Variants in NRXN1 observed in about 807,000 individuals in gnomAD.
NRXN1 encodes the protein neurexin-1.
Under a neutral mutation model 150.9 loss-of-function variants are expected in NRXN1, and 39 were observed. The observed-to-expected ratio is 0.26, with a 90% CI of 0.20 to 0.34. The LOEUF is 0.34. Ranked by LOEUF, NRXN1 falls within the 10% of genes least tolerant of loss-of-function variation. The pLI is 1.00. For synonymous variants in NRXN1, 924 were observed against 757.0 expected, an observed-to-expected ratio of 1.22 and a Z score of -3.62; for missense variants, 1,815 against 1,949.9, an observed-to-expected ratio of 0.93 and a Z score of 1.30.
intron 5 of NRXN1, among the ~76,000 whole-genome samples, chr2:50,697,560 T>C (rs1456702640): frequency 2.0e-5 from 3 of 152,188 alleles, no homozygotes; most frequent in Non-Finnish European, 4.4e-5. Flanking sequence ...TCCTCTGTGG[T>C]TTCATCCGAA....
At chr2:50,273,647 T>C (rs770040213) in intron 17 of NRXN1, among the ~76,000 whole-genome samples, 8 of 152,078 alleles carry the variant, frequency 5.3e-5, no homozygotes, top group Non-Finnish European at 8.8e-5. Context: ...GCCTGATACA[T>C]CTTAAGAAAA....
intron 17 of NRXN1, among the ~76,000 whole-genome samples, chr2:50,325,568 C>T (rs570967749): frequency 3.3e-5 from 5 of 152,308 alleles, no homozygotes; most frequent in East Asian, 3.9e-4. Flanking sequence ...CCAACCAGAG[C>T]TGGAACTCAA....
At chr2:50,099,206 G>A (rs547413341) in intron 18 of NRXN1, among the ~76,000 whole-genome samples, 2 of 151,994 alleles carry the variant, frequency 1.3e-5, no homozygotes, top group African/African-American at 2.4e-5. Context: ...TGCCTTAGGT[G>A]TTAGTTTTTA....
intron 19 of NRXN1, among the ~76,000 whole-genome samples, chr2:50,084,554 C>T (rs913003239): frequency 6.6e-6 from 1 of 152,180 alleles, no homozygotes; most frequent in African/African-American, 2.4e-5. Context: ...GGCCTGCAAG[C>T]GCCGCACGCA....
In NRXN1 at chr2:50,131,035, T is replaced by G. The variant is rs1041580669; in HGVS notation, c.3547-39541A>C. Among the ~76,000 whole-genome samples the G allele has an allele frequency of 2.6e-5, 4 of 152,362 alleles. No homozygotes were observed. The South Asian group carries it at 8.3e-4, about 32-fold the overall frequency. On this transcript the variant is annotated intron_variant, in intron 18 of 22. Transcript: ENST00000401669. ...ATATTAAGAAAAGCTTATTCCTTCT[T>G]GAAACCATGTTTAGGCATCAGTTGA... is the stretch of plus-strand genomic sequence containing the variant.
chr2:50,952,858 TTTAA>T (rs1050932508), intron 2 of NRXN1, among the ~76,000 whole-genome samples: 1 of 152,176 alleles, frequency 6.6e-6, no homozygotes, highest in African/African-American at 2.4e-5. Context: ...ACGTTGCCAT[TTTAA>T]TTAATTAAGT....
At chr2:50,003,898 T>C (rs1487499183) in intron 21 of NRXN1, among the ~76,000 whole-genome samples, 1 of 152,122 alleles carries the variant, frequency 6.6e-6, no homozygotes, top group Non-Finnish European at 1.5e-5. Flanking sequence ...ACATTTTCCT[T>C]CCCCTTGACT....
chr2:50,886,919 C>T (rs1392310658), intron 5 of NRXN1, among the ~76,000 whole-genome samples: 2 of 151,372 alleles, frequency 1.3e-5, no homozygotes, highest in Non-Finnish European at 3.0e-5. Context: ...CATATAAGCA[C>T]ATCACTGGCC....
chr2:50,282,260 A>G (rs986029561), intron 17 of NRXN1, among the ~76,000 whole-genome samples: 2 of 152,166 alleles, frequency 1.3e-5, no homozygotes, highest in African/African-American at 4.8e-5. Context: ...TCTACCAAAC[A>G]GTTTTAAGCC....
chr2:50,434,949 T>G (rs985073620), intron 17 of NRXN1, among the ~76,000 whole-genome samples: 1 of 152,218 alleles, frequency 6.6e-6, no homozygotes, highest in African/African-American at 2.4e-5. Context: ...TTAAATTATC[T>G]GCTGTCAAAA....
intron 5 of NRXN1, among the ~76,000 whole-genome samples, chr2:50,657,487 A>T (rs953618475): frequency 1.3e-5 from 2 of 152,028 alleles, no homozygotes; most frequent in African/African-American, 2.4e-5. Context: ...GAGGACAGGG[A>T]TCTTCATTTT....
intron 18 of NRXN1, among the ~76,000 whole-genome samples, chr2:50,153,636 A>G (rs1007640392): frequency 3.3e-5 from 5 of 151,666 alleles, no homozygotes; most frequent in Admixed American, 6.6e-5. Context: ...CGACTTTCTA[A>G]TTTCCTCTGC....
intron 5 of NRXN1, among the ~76,000 whole-genome samples, chr2:50,688,788 A>T (rs1006208291): frequency 6.6e-6 from 1 of 152,186 alleles, no homozygotes; most frequent in African/African-American, 2.4e-5. Flanking sequence ...GAAATCCAGT[A>T]GAAGAATACT....
At chr2:50,997,015 T>C (rs1699403617) in intron 2 of NRXN1, among the ~76,000 whole-genome samples, 1 of 152,044 alleles carries the variant, frequency 6.6e-6, no homozygotes, top group African/African-American at 2.4e-5. Context: ...TTTACTTTTT[T>C]TTCAATGGAT....
chr2:50,920,266 GAC>G (rs1464891281), intron 5 of NRXN1, among the ~76,000 whole-genome samples: 1 of 151,686 alleles, frequency 6.6e-6, no homozygotes, highest in Non-Finnish European at 1.5e-5. Context: ...AATAATGTTT[GAC>G]ACACATGCCA....
At chr2:50,548,440 AT>A (rs146768804) in intron 9 of NRXN1, among the ~76,000 whole-genome samples, 5,522 of 152,298 alleles carry the variant, frequency 0.036, 99 homozygotes, top group Middle Eastern at 0.12. Context: ...AAGTAATGTA[AT>A]TTAAATAAAT....
At chr2:50,618,317 T>G (rs906742337) in intron 8 of NRXN1, among the ~76,000 whole-genome samples, 1 of 152,200 alleles carries the variant, frequency 6.6e-6, no homozygotes, top group Non-Finnish European at 1.5e-5. Context: ...CTGTTTGAGA[T>G]GCTCATATTC....
intron 5 of NRXN1, among the ~76,000 whole-genome samples, chr2:50,670,122 T>A (rs1688628842): frequency 6.6e-6 from 1 of 151,850 alleles, no homozygotes; most frequent in Non-Finnish European, 1.5e-5. Flanking sequence ...AAAATATGAA[T>A]CTTAAGAGCG....
chr2:50,654,111 T>C (rs897305324), intron 5 of NRXN1, among the ~76,000 whole-genome samples: 3 of 150,092 alleles, frequency 2.0e-5, no homozygotes, highest in Non-Finnish European at 3.0e-5. Context: ...ACATGTGCCA[T>C]GTTGGTGTGC....
Sources: gnomAD v4.1 joint callset for allele counts (sites outside exome capture counted in the v4.1 genomes callset) on GRCh38, gnomAD v4.1.1 for gene constraint, MANE v1.5 for transcripts, NCBI Gene and HGNC (gene_info 2026-07-23, HGNC 2026-07-21) for gene names.